The following AGBL1 variants were observed in gnomAD, a reference collection of about 807,000 sequenced individuals.
AGBL1 encodes cytosolic carboxypeptidase 4.
AGBL1 carries 130 observed loss-of-function variants against 118.9 expected under a neutral mutation model. The ratio of observed to expected loss-of-function variants is 1.09; its 90% CI spans 0.95 to 1.26. The LOEUF (loss-of-function observed/expected upper bound fraction) is 1.26. Among genes scored for constraint, AGBL1 ranks in the 50% most tolerant of loss-of-function variants. The pLI, the probability that AGBL1 is intolerant of heterozygous loss-of-function variation, is 0.00. For synonymous variants in AGBL1, 555 were observed against 478.9 expected, an observed-to-expected ratio of 1.16 and a Z score of -2.08; for missense variants, 1,584 against 1,298.1, an observed-to-expected ratio of 1.22 and a Z score of -3.38.
intron 24 of AGBL1, among the ~76,000 whole-genome samples, chr15:87,027,478 CATTATATAGATGTATTATGCATTAT>C (rs2081742884): frequency 5.3e-5 from 2 of 37,692 alleles, no homozygotes; most frequent in African/African-American, 4.5e-4. Flanking sequence ...TTATATAATA[CATTATATAGATGTATTATGCATTAT>C]ATAATACATT....
chr15:86,196,274 C>G (rs537716878), intron 5 of AGBL1, among the ~76,000 whole-genome samples: 2 of 152,246 alleles, frequency 1.3e-5, no homozygotes, highest in African/African-American at 4.8e-5. Flanking sequence ...TTCAGTGGCT[C>G]AGTGATGGCA....
At chr15:86,933,429 C>T (rs1346352326) in intron 23 of AGBL1, among the ~76,000 whole-genome samples, 2 of 152,136 alleles carry the variant, frequency 1.3e-5, no homozygotes, top group African/African-American at 4.8e-5. Context: ...CTCATTACAG[C>T]TCAGGAGTCA....
chr15:86,168,447 C>T (rs906056770), intron 5 of AGBL1, among the ~76,000 whole-genome samples: 6 of 152,028 alleles, frequency 3.9e-5, no homozygotes, highest in Non-Finnish European at 7.4e-5. Context: ...ATTCCTTAAC[C>T]CAATTTTTCT....
At chr15:86,727,371 A>G (rs1310244885) in intron 22 of AGBL1, among the ~76,000 whole-genome samples, 5 of 152,098 alleles carry the variant, frequency 3.3e-5, no homozygotes, top group Admixed American at 6.5e-5. Flanking sequence ...GGCAACGACT[A>G]TTTTGCTCTG....
intron 18 of AGBL1, among the ~76,000 whole-genome samples, chr15:86,479,232 G>A (rs1209286293): frequency 2.0e-5 from 3 of 152,188 alleles, no homozygotes; most frequent in Non-Finnish European, 4.4e-5. Context: ...ATTGACAAAT[G>A]AGATCTAATT....
At chr15:86,885,185 TATTA>T (rs953556078) in intron 22 of AGBL1, among the ~76,000 whole-genome samples, 19 of 152,290 alleles carry the variant, frequency 1.2e-4, no homozygotes, top group African/African-American at 4.6e-4. Context: ...TTGTTAAGTA[TATTA>T]ATTCACTCCT....
At chr15:86,238,807 C>G (rs1469556933) in intron 6 of AGBL1, among the ~76,000 whole-genome samples, 1 of 152,066 alleles carries the variant, frequency 6.6e-6, no homozygotes, top group Non-Finnish European at 1.5e-5. Flanking sequence ...GTTTATTTTT[C>G]AAATTTATTT....
chr15:86,262,665 GA>G (rs1361600714), intron 9 of AGBL1, 112 bp from the exon 10 acceptor site: 8 of 746,226 alleles, frequency 1.1e-5, no homozygotes, highest in Non-Finnish European at 1.9e-5. Context: ...CTATAATTTG[GA>G]GGCAAGAAAA....
chr15:86,206,554 C>G (rs1233226727), intron 5 of AGBL1, among the ~76,000 whole-genome samples: 1 of 152,220 alleles, frequency 6.6e-6, no homozygotes, highest in East Asian at 1.9e-4. Flanking sequence ...TTGCATTTCT[C>G]TGATGGCCAG....
intron 18 of AGBL1, among the ~76,000 whole-genome samples, chr15:86,418,733 T>C (rs1272455942): frequency 6.6e-6 from 1 of 152,156 alleles, no homozygotes. Flanking sequence ...CTTAGGATGA[T>C]TCAGACTTCC....
At chr15:86,675,395 T>C (rs151193314) in intron 22 of AGBL1, among the ~76,000 whole-genome samples, 1,947 of 152,250 alleles carry the variant, frequency 0.013, 40 homozygotes, top group African/African-American at 0.045. Context: ...CCTAGAAAGA[T>C]CTAGCAGTAT....
chr15:86,967,734 T>C (rs979703887), intron 23 of AGBL1, among the ~76,000 whole-genome samples: 6 of 152,130 alleles, frequency 3.9e-5, no homozygotes, highest in Non-Finnish European at 7.4e-5. Flanking sequence ...TGTAGCCTTG[T>C]AGTATAGTTT....
chr15:86,323,363 A>G (rs1235741341), intron 17 of AGBL1, among the ~76,000 whole-genome samples: 1 of 152,126 alleles, frequency 6.6e-6, no homozygotes, highest in Non-Finnish European at 1.5e-5. Context: ...TTATGTAAAT[A>G]ACCAAATAAC....
chr15:86,164,059 C>G (rs1288691838), intron 5 of AGBL1, among the ~76,000 whole-genome samples: 1 of 152,322 alleles, frequency 6.6e-6, no homozygotes, highest in East Asian at 1.9e-4. Context: ...AGCAAAGTTT[C>G]TCTCACTGGA....
chr15:86,527,444 A>G (rs1367088101), intron 19 of AGBL1, among the ~76,000 whole-genome samples: 1 of 152,204 alleles, frequency 6.6e-6, no homozygotes, highest in Non-Finnish European at 1.5e-5. Flanking sequence ...TGGGTGAGAA[A>G]CAGCTGAGCA....
intron 1 of AGBL1, among the ~76,000 whole-genome samples, chr15:86,090,978 G>A (rs1567047603): frequency 6.6e-6 from 1 of 152,096 alleles, no homozygotes; most frequent in Non-Finnish European, 1.5e-5. Flanking sequence ...GATAACATTT[G>A]AAAGTTTGAA....
At chr15:86,784,348 G>T (rs2078376275) in intron 22 of AGBL1, among the ~76,000 whole-genome samples, 1 of 152,194 alleles carries the variant, frequency 6.6e-6, no homozygotes, top group Non-Finnish European at 1.5e-5. Flanking sequence ...AATGAAAACA[G>T]GAGACGTGGT....
intron 23 of AGBL1, among the ~76,000 whole-genome samples, chr15:86,953,090 T>TG (rs1042010412): frequency 6.6e-6 from 1 of 152,180 alleles, no homozygotes; most frequent in African/African-American, 2.4e-5. Flanking sequence ...TCGTTTGAAG[T>TG]GGGGTAGTAT....
chr15:86,583,024 A>C (rs1329828416), intron 21 of AGBL1, among the ~76,000 whole-genome samples: 1 of 152,172 alleles, frequency 6.6e-6, no homozygotes, highest in Non-Finnish European at 1.5e-5. Flanking sequence ...CAATAAAAAA[A>C]AGTTATAATA....
Sources: gnomAD v4.1 joint callset for allele counts (sites outside exome capture counted in the v4.1 genomes callset) on GRCh38, gnomAD v4.1.1 for gene constraint, MANE v1.5 for transcripts, NCBI Gene and HGNC (gene_info 2026-07-23, HGNC 2026-07-21) for gene names.